SULT1C3: variants seen among roughly 807,000 people sequenced by gnomAD.
SULT1C3 encodes sulfotransferase 1C3.
Under a neutral mutation model 28.4 loss-of-function variants are expected in SULT1C3, and 31 were observed. The observed-to-expected ratio is 1.09, with a 90% CI of 0.82 to 1.47. The LOEUF is 1.47. Ranked by LOEUF, SULT1C3 falls within the 40% of genes most tolerant of loss-of-function variation. SULT1C3 has a pLI of 0.00. For missense variants in SULT1C3, 307 were observed against 272.5 expected (o/e 1.13, Z -0.89); for synonymous variants, 106 against 92.2 (o/e 1.15, Z -0.86).
Position 108,258,967 on chromosome 2 carries a change from A to G in SULT1C3, c.623A>G (p.Asn208Ser). 1.4e-6 allele frequency: 1 copy of G among 696,708 alleles called. No homozygotes were observed. Among genetic ancestry groups the G allele is most frequent in the Non-Finnish European group, 2.5e-6 (1 of 396,730 alleles). The allele number at this position is 696,708 out of a possible 1,614,324, so 43.2% of individuals were successfully genotyped here. ...LYLFYEDIKK[N>S]PKHEIHKVLE... ...AATGCCTTTTTCTCCCATGATCAGA[A>G]TCCAAAACATGAGATCCACAAGGTG... The change falls in exon 7 of 8, where the codon AAT (asparagine) becomes AGT (serine). Residue 208 changes from asparagine to serine, a missense_variant and splice_region_variant. Physicochemically the swap from Asn to Ser is conservative, Grantham distance 46. Coordinates refer to ENST00000681802, the MANE Select transcript of SULT1C3 (RefSeq NM_001320878.2).
intron 7 of SULT1C3, among the ~76,000 whole-genome samples, 162 bp from the exon 8 acceptor site, chr2:108,260,406 T>G (rs1675991596): frequency 6.6e-6 from 1 of 151,554 alleles, no homozygotes; most frequent in African/African-American, 2.4e-5. Flanking sequence ...CCAAGTGGAG[T>G]GGAAATGAGG....
At chr2:108,255,473 T>G (rs1413894521) in intron 4 of SULT1C3, 99 bp from the exon 5 acceptor site, 8 of 1,387,742 alleles carry the variant, frequency 5.8e-6, no homozygotes, top group Non-Finnish European at 6.9e-6. Flanking sequence ...TGCTATAAAC[T>G]TATAGGATAT....
Position 108,258,828 on chromosome 2 carries a change from A to G in SULT1C3, c.621A>G (p.Lys207=), listed in dbSNP as rs1016941312. 5 of 1,610,310 alleles carry G rather than the reference A, an allele frequency of 3.1e-6. No individual in the cohort carries two copies. The highest frequency in any genetic ancestry group is 4.2e-6 in the Non-Finnish European group (5 of 1,177,398). Residue 207 remains lysine, a splice_region_variant and synonymous_variant, in exon 6 of 8, where the codon AAA becomes AAG. Coordinates refer to ENST00000681802, the MANE Select transcript of SULT1C3 (RefSeq NM_001320878.2). The part of the protein sequence containing the change: ...ILYLFYEDIK[K]NPKHEIHKVL... ...ACCTCTTCTACGAGGATATTAAAAA[A>G]GTAAGTGGCACTGAGACTTATAGGT...
intron 7 of SULT1C3, 124 bp from the exon 8 acceptor site, chr2:108,260,444 G>C: frequency 2.9e-6 from 1 of 341,564 alleles, no homozygotes. Context: ...AGACCAGAGG[G>C]AGTGGGACTG....
At chr2:108,246,894 G>T (rs1675595386) in intron 1 of SULT1C3, among the ~76,000 whole-genome samples, 1 of 152,074 alleles carries the variant, frequency 6.6e-6, no homozygotes. Flanking sequence ...GACTATTTGG[G>T]TATAAATCTC....
At chr2:108,241,617 C>A (rs778169758) in intron 1 of SULT1C3, among the ~76,000 whole-genome samples, 1 of 152,076 alleles carries the variant, frequency 6.6e-6, no homozygotes, top group Non-Finnish European at 1.5e-5. Flanking sequence ...CAAAATTTCC[C>A]GGATAGTTAC....
downstream of SULT1C3, among the ~76,000 whole-genome samples, chr2:108,261,392 C>T (rs1676024749): frequency 6.6e-6 from 1 of 152,146 alleles, no homozygotes; most frequent in African/African-American, 2.4e-5. Flanking sequence ...TATGCATTGC[C>T]ATTCTCTTAA....
intron 2 of SULT1C3, among the ~76,000 whole-genome samples, chr2:108,250,186 A>G (rs892349587): frequency 6.6e-6 from 1 of 152,070 alleles, no homozygotes; most frequent in Middle Eastern, 3.4e-3. Context: ...CACAATACAT[A>G]TATCTGGCCA....
At chr2:108,247,121 C>T (rs1675601322) in intron 1 of SULT1C3, 67 bp from the exon 2 acceptor site, 2 of 1,230,508 alleles carry the variant, frequency 1.6e-6, no homozygotes, top group South Asian at 2.7e-5. Context: ...AAGATGATAA[C>T]CCATACTATG....
At chr2:108,248,502 G>T (rs1675647805) in intron 2 of SULT1C3, among the ~76,000 whole-genome samples, 1 of 152,270 alleles carries the variant, frequency 6.6e-6, no homozygotes, top group East Asian at 1.9e-4. Context: ...CTGAGAGGTT[G>T]AAGTGGCTGC....
At chr2:108,240,304 C>T (rs928112142) in intron 1 of SULT1C3, among the ~76,000 whole-genome samples, 13 of 152,200 alleles carry the variant, frequency 8.5e-5, no homozygotes, top group African/African-American at 3.1e-4. Context: ...AGAAGTCTAA[C>T]TCTATTTAGA....
At chr2:108,243,487 C>T (rs773605423) in intron 1 of SULT1C3, among the ~76,000 whole-genome samples, 6 of 151,764 alleles carry the variant, frequency 4.0e-5, no homozygotes, top group Admixed American at 1.3e-4. Flanking sequence ...AAAAATTAGC[C>T]GGGAGTGGTG....
At chr2:108,256,274 T>A (rs2104390726) in intron 5 of SULT1C3, among the ~76,000 whole-genome samples, 1 of 152,158 alleles carries the variant, frequency 6.6e-6, no homozygotes, top group Non-Finnish European at 1.5e-5. Flanking sequence ...TTGACTAGAT[T>A]TGACCAGGTG....
In SULT1C3 at chr2:108,260,818, A is replaced by G. The variant is rs1471156618; in HGVS notation, c.*138A>G. On this transcript the variant is annotated 3_prime_UTR_variant, in exon 8 of 8. Coordinates refer to ENST00000681802, the MANE Select transcript of SULT1C3 (RefSeq NM_001320878.2). Reference sequence around the variant, plus strand: ...TATAGTGTGGCTAGTTTGCTATAATATTAAAACATGATTTAAAATATCAAC... The same window carrying G: ...TATAGTGTGGCTAGTTTGCTATAATGTTAAAACATGATTTAAAATATCAAC... The G allele has an allele frequency of 3.3e-6, 1 of 307,182 alleles. No individual in the cohort carries two copies. The highest frequency in any genetic ancestry group is 6.6e-6 in the Non-Finnish European group (1 of 151,566). The allele number at this position is 307,182 out of a possible 1,614,324, so 19.0% of individuals were successfully genotyped here.
rs554956676 is a variant in SULT1C3 at position 108,259,177 on chromosome 2, T to G, written c.802+31T>G. 5.8e-5 allele frequency: 17 copies of G among 295,118 alleles called. No homozygotes were observed. The South Asian group carries it at 7.8e-4, about 14-fold the overall frequency. The allele number at this position is 295,118 out of a possible 1,614,324, so 18.3% of individuals were successfully genotyped here. Reference sequence around the variant, plus strand: ...TGGCATTTCTTTTCCTTAACTGAACTCTAAAAAATTTTCTACCCTATATGC... The same window carrying G: ...TGGCATTTCTTTTCCTTAACTGAACGCTAAAAAATTTTCTACCCTATATGC... On this transcript the variant is annotated intron_variant, in intron 7 of 7. Transcript: ENST00000681802.
chr2:108,250,971 A>G (rs1675713589), intron 2 of SULT1C3, among the ~76,000 whole-genome samples: 1 of 152,050 alleles, frequency 6.6e-6, no homozygotes, highest in African/African-American at 2.4e-5. Flanking sequence ...GGCTACATAC[A>G]TTTGTCAAAT....
chr2:108,241,597 C>T (rs138841698), intron 1 of SULT1C3, among the ~76,000 whole-genome samples: 3 of 152,280 alleles, frequency 2.0e-5, no homozygotes, highest in African/African-American at 7.2e-5. Context: ...AAACAATTGT[C>T]TGTGAATGAC....
At chr2:108,251,625 A>C (rs1239826359) in intron 2 of SULT1C3, among the ~76,000 whole-genome samples, 1 of 152,068 alleles carries the variant, frequency 6.6e-6, no homozygotes, top group Non-Finnish European at 1.5e-5. Flanking sequence ...AGGAACAAAA[A>C]TGTACTGTGA....
chr2:108,250,994 C>A (rs1675713859), intron 2 of SULT1C3, among the ~76,000 whole-genome samples: 1 of 152,018 alleles, frequency 6.6e-6, no homozygotes, highest in Non-Finnish European at 1.5e-5. Flanking sequence ...CCTTAAACTA[C>A]ACATTTATAA....
Sources: allele counts gnomAD v4.1 joint callset (sites outside exome capture counted in the v4.1 genomes callset), GRCh38; gene constraint gnomAD v4.1.1; transcripts MANE v1.5; gene names NCBI Gene and HGNC (gene_info 2026-07-23, HGNC 2026-07-21).